EP300: variants seen among roughly 807,000 people sequenced by gnomAD.
EP300 encodes EP300 lysine acetyltransferase, also known as histone acetyltransferase p300.
EP300 carries 31 observed loss-of-function variants against 264.0 expected under a neutral mutation model. The ratio of observed to expected loss-of-function variants is 0.12; its 90% CI spans 0.09 to 0.16. The LOEUF (loss-of-function observed/expected upper bound fraction) is 0.16, where lower values mean the gene tolerates loss of function less well. Among genes scored for constraint, EP300 ranks in the 10% least tolerant of loss-of-function variants. The probability of loss-of-function intolerance (pLI) is 1.00; values close to 1 mark genes in which losing one functional copy is unlikely to be tolerated. For missense variants in EP300, 2,766 were observed against 3,052.9 expected, an observed-to-expected ratio of 0.91 and a Z score of 2.21; for synonymous variants, 1,340 against 1,045.4, an observed-to-expected ratio of 1.28 and a Z score of -5.44.
chr22:41,113,162 C>CCCA lies in EP300; in HGVS notation c.95-4023_95-4022insACC, dbSNP rs1555905078. Among the ~76,000 whole-genome samples, 6 of 139,874 alleles carry CCCA rather than the reference C, an allele frequency of 4.3e-5. 1 individual carries two copies. In the Admixed American group the frequency reaches 4.5e-4, roughly 11 times the overall value. The allele number at this position is 139,874 out of a possible 152,430, so 91.8% of individuals were successfully genotyped here. A position where few individuals can be genotyped will look rare whatever the true frequency, so the allele number is the denominator to read the frequency against. ...CTTGTTTGAATCAGGATTCCACCCC[C>CCCA]CCCCCAACTTATGCTATGGATTTGT... On this transcript the variant is annotated intron_variant, in intron 1 of 30. Transcript: ENST00000263253.
chr22:41,135,751 G>A (rs2058947004), intron 6 of EP300, 62 bp from the exon 7 acceptor site: 1 of 1,224,756 alleles, frequency 8.2e-7, no homozygotes, highest in Non-Finnish European at 1.2e-6. Flanking sequence ...TAACTTTATA[G>A]TATTTATTGT....
intron 30 of EP300, 83 bp downstream of exon 30, chr22:41,176,611 C>T (rs2059202019): frequency 9.3e-6 from 15 of 1,607,392 alleles, no homozygotes; most frequent in Non-Finnish European, 1.3e-5. Flanking sequence ...TTTATAGAGG[C>T]CTGTGGGATG....
chr22:41,139,848 G>A (rs879028598), intron 8 of EP300, among the ~76,000 whole-genome samples: 3 of 152,152 alleles, frequency 2.0e-5, no homozygotes, highest in Admixed American at 2.0e-4. Flanking sequence ...ACTATGACAA[G>A]GCCTGTTTTC....
At position 41,137,784 on chromosome 22, in the gene EP300, A is replaced by C; in HGVS notation, c.1754A>C (p.His585Pro). Reference sequence around the variant, plus strand: ...CAGGATCTTCGAAATCATCTTGTTCACAAACTGTAAGTAAGATTGTGGACA... The same window carrying C: ...CAGGATCTTCGAAATCATCTTGTTCCCAAACTGTAAGTAAGATTGTGGACA... ...ITQDLRNHLV[H>P]KLVQAIFPTP... is the part of the protein sequence containing the mutation. Residue 585 changes from histidine to proline, a missense_variant, in exon 8 of 31, where the codon CAC becomes CCC. Physicochemically the swap from His to Pro is moderately conservative, Grantham distance 77. Transcript: ENST00000263253. 1 of 1,614,240 alleles carries C rather than the reference A, an allele frequency of 6.2e-7. No individual in the cohort carries two copies.
At chr22:41,098,751 T>C (rs2058715675) in intron 1 of EP300, among the ~76,000 whole-genome samples, 1 of 152,164 alleles carries the variant, frequency 6.6e-6, no homozygotes, top group South Asian at 2.1e-4. Context: ...AGAATGAGTA[T>C]TGGAGTCAGA....
In EP300 at chr22:41,169,624, T is replaced by A. The variant is rs2145765368; in HGVS notation, c.4286+8T>A. Reference sequence around the variant, plus strand: ...ATATGTCAAGAAATTAGGGTAAGCATATTTTGATAATGGCTTTTTTTCTTT... The same window carrying A: ...ATATGTCAAGAAATTAGGGTAAGCAAATTTTGATAATGGCTTTTTTTCTTT... On this transcript the variant is annotated splice_region_variant and intron_variant, in intron 26 of 30. Coordinates refer to ENST00000263253, the MANE Select transcript of EP300 (RefSeq NM_001429.4). 6.6e-7 allele frequency: 1 copy of A among 1,512,220 alleles called. No homozygotes were observed. Among genetic ancestry groups the A allele is most frequent in the Non-Finnish European group, 9.2e-7 (1 of 1,090,244 alleles). 93.7% of individuals were successfully genotyped at this position (1,512,220 alleles called of 1,614,324 possible). A position where few individuals can be genotyped will look rare whatever the true frequency, so the allele number is the denominator to read the frequency against.
intron 28 of EP300, 117 bp downstream of exon 28, chr22:41,172,780 T>C: frequency 8.8e-7 from 1 of 1,131,470 alleles, no homozygotes; most frequent in Non-Finnish European, 1.3e-6. Flanking sequence ...GCTCTTTAAG[T>C]TGGACAAGAA....
rs554717096 is a variant in EP300, at chr22:41,125,781, A to G, written c.730-83A>G. Reference sequence around the variant, plus strand: ...AATTTCCTTTGAAACTGTCTTTGTGAACTTGGAAGTGAAATCAGAAAAGGA... The same window carrying G: ...AATTTCCTTTGAAACTGTCTTTGTGGACTTGGAAGTGAAATCAGAAAAGGA... On this transcript the variant is annotated intron_variant, in intron 2 of 30. Transcript: ENST00000263253. 1.4e-5 allele frequency: 20 copies of G among 1,433,860 alleles called. No individual in the cohort carries two copies. The African/African-American group carries it at 2.1e-4, about 15-fold the overall frequency. 88.8% of individuals were successfully genotyped at this position (1,433,860 alleles called of 1,614,324 possible). A position where few individuals can be genotyped will look rare whatever the true frequency, so the allele number is the denominator to read the frequency against.
At chr22:41,142,556 T>G (rs1331293286) in intron 10 of EP300, among the ~76,000 whole-genome samples, 2 of 152,056 alleles carry the variant, frequency 1.3e-5, no homozygotes, top group African/African-American at 4.8e-5. Flanking sequence ...ACTGCTTCAG[T>G]ACATGATTTG....
intron 22 of EP300, among the ~76,000 whole-genome samples, chr22:41,166,258 ATG>A (rs1412799613): frequency 6.6e-6 from 1 of 152,226 alleles, no homozygotes; most frequent in East Asian, 1.9e-4. Flanking sequence ...TACTCTCAAA[ATG>A]TACTTTCCAA....
At chr22:41,169,075 G>C (rs2059155951) in intron 25 of EP300, 1 of 678,312 alleles carries the variant, frequency 1.5e-6, no homozygotes, top group Non-Finnish European at 2.6e-6. Flanking sequence ...TGTGGTCATA[G>C]TAATAAAGGA....
chr22:41,113,165 C>G (rs550640265), intron 1 of EP300, among the ~76,000 whole-genome samples: 2 of 143,418 alleles, frequency 1.4e-5, no homozygotes, highest in Non-Finnish European at 3.1e-5. Flanking sequence ...CCACCCCCCC[C>G]CCAACTTATG....
At chr22:41,164,468 T>C (rs1361234504) in intron 22 of EP300, among the ~76,000 whole-genome samples, 1 of 152,098 alleles carries the variant, frequency 6.6e-6, no homozygotes, top group African/African-American at 2.4e-5. Flanking sequence ...TCCCAGCACT[T>C]TGGGAGGCCG....
chr22:41,116,926 G>T (rs1393989895), intron 1 of EP300, among the ~76,000 whole-genome samples: 2 of 152,004 alleles, frequency 1.3e-5, no homozygotes, highest in Admixed American at 1.3e-4. Context: ...TCGGTGTGGT[G>T]GTGCGCACTT....
At position 41,092,964 on chromosome 22, in the gene EP300, G is replaced by T. The variant is rs2145665269; in HGVS notation, c.-41G>T. ...CGGGCCGAAGAAGAGATTTCCTGAG[G>T]ATTCTGGTTTTCCTCGCTTGTATCT... On this transcript the variant is annotated 5_prime_UTR_variant, in exon 1 of 31. Coordinates refer to ENST00000263253, the MANE Select transcript of EP300 (RefSeq NM_001429.4). The T allele has an allele frequency of 6.2e-7, 1 of 1,610,572 alleles. No individual in the cohort carries two copies. The highest frequency in any genetic ancestry group is 1.3e-5 in the African/African-American group (1 of 75,008).
chr22:41,147,262 C>T (rs925494701), intron 11 of EP300, among the ~76,000 whole-genome samples: 11 of 149,568 alleles, frequency 7.4e-5, no homozygotes, highest in African/African-American at 2.2e-4. Context: ...GGCGAGATCG[C>T]GCCACTGGAC....
intron 1 of EP300, among the ~76,000 whole-genome samples, chr22:41,112,568 C>A (rs1421393567): frequency 6.6e-6 from 1 of 152,144 alleles, no homozygotes; most frequent in East Asian, 1.9e-4. Flanking sequence ...GTTCTGGTGT[C>A]CCCTGGATTC....
At chr22:41,134,163 CTTTTTTT>C (rs11362436) in intron 6 of EP300, among the ~76,000 whole-genome samples, 1 of 105,632 alleles carries the variant, frequency 9.5e-6, no homozygotes, top group Non-Finnish European at 1.9e-5. Flanking sequence ...TCATTCTTTT[CTTTTTTT>C]TTTTTTTTTT....
intron 1 of EP300, among the ~76,000 whole-genome samples, chr22:41,116,025 A>G (rs1462454304): frequency 6.6e-6 from 1 of 152,210 alleles, no homozygotes; most frequent in African/African-American, 2.4e-5. Flanking sequence ...GTTTGTGTGT[A>G]GATATTTTAA....
Sources: gnomAD v4.1 joint callset for allele counts (sites outside exome capture counted in the v4.1 genomes callset) on GRCh38, gnomAD v4.1.1 for gene constraint, MANE v1.5 for transcripts, NCBI Gene and HGNC (gene_info 2026-07-23, HGNC 2026-07-21) for gene names.